INTS3: variants seen among roughly 807,000 people sequenced by gnomAD.
The protein encoded by INTS3 is SOSS complex subunit A.
A neutral mutation model predicts 146.3 loss-of-function variants in INTS3; 34 were observed. The observed-to-expected ratio is 0.23, with a 90% confidence interval of 0.18 to 0.31. The LOEUF (loss-of-function observed/expected upper bound fraction) is 0.31. INTS3 is among the 10% of genes least tolerant of loss of function. The pLI is 1.00. For synonymous variants in INTS3, 475 were observed against 494.9 expected (o/e 0.96, Z 0.53); for missense variants, 757 against 1,304.2 (o/e 0.58, Z 6.46).
At chr1:153,750,986 C>G (rs1056296636) in intron 6 of INTS3, 109 bp from the exon 7 acceptor site, 14 of 1,141,128 alleles carry the variant, frequency 1.2e-5, no homozygotes, top group Middle Eastern at 2.4e-4. Context: ...CTCCCAGTGT[C>G]AAATCATCAA....
chr1:153,762,674 C>A (rs1672428601), intron 14 of INTS3, 54 bp from the exon 15 acceptor site: 2 of 1,604,142 alleles, frequency 1.2e-6, no homozygotes, highest in Non-Finnish European at 1.7e-6. Flanking sequence ...AAGCATGGGG[C>A]ATGTTAGAGG....
At chr1:153,744,648 G>A (rs149051453) in intron 3 of INTS3, among the ~76,000 whole-genome samples, 175 of 152,334 alleles carry the variant, frequency 1.1e-3, no homozygotes, top group African/African-American at 3.9e-3. Context: ...AGAGGCAGAA[G>A]GAAGTGGCAA....
Position 153,730,634 on chromosome 1 carries a change from A to T in INTS3, c.150+1850A>T, listed in dbSNP as rs1056734337. 5.3e-5 allele frequency among the ~76,000 whole-genome samples: 8 copies of T among 152,310 alleles called. No homozygotes were observed. In the East Asian group the frequency reaches 1.5e-3, roughly 29 times the overall value. On this transcript the variant is annotated intron_variant, in intron 1 of 29. Coordinates refer to ENST00000318967, the MANE Select transcript of INTS3 (RefSeq NM_023015.5). ...TTGCTACTAAATGAAATGATGCAGC[A>T]GGAGGGGACCATCGAAGAGGGGAAG...
At chr1:153,755,096 C>T (rs1672114824) in intron 9 of INTS3, among the ~76,000 whole-genome samples, 1 of 152,068 alleles carries the variant, frequency 6.6e-6, no homozygotes, top group African/African-American at 2.4e-5. Context: ...GCTAAGAAAC[C>T]CACGATTGCT....
intron 22 of INTS3, 65 bp from the exon 23 acceptor site, chr1:153,769,704 T>G (rs1672740849): frequency 9.3e-7 from 1 of 1,071,090 alleles, no homozygotes; most frequent in Non-Finnish European, 1.5e-6. Context: ...TGCGTCCCCC[T>G]CCATACTAGC....
chr1:153,741,442 C>T (rs1570842450), intron 3 of INTS3, 74 bp downstream of exon 3: 6 of 1,100,296 alleles, frequency 5.5e-6, no homozygotes, highest in South Asian at 2.5e-5. Context: ...TACAGTTTAA[C>T]TGGGGTAGTA....
intron 11 of INTS3, chr1:153,759,924 A>G (rs1332570747): frequency 2.0e-6 from 1 of 500,306 alleles, no homozygotes; most frequent in Non-Finnish European, 3.6e-6. Flanking sequence ...CTCAAAGCTG[A>G]ATGCTGGGAA....
chr1:153,768,216 G>T (rs1482265196), intron 21 of INTS3, among the ~76,000 whole-genome samples: 1 of 152,168 alleles, frequency 6.6e-6, no homozygotes, highest in African/African-American at 2.4e-5. Flanking sequence ...GATGACCAGG[G>T]CTTCTGTAGT....
intron 1 of INTS3, among the ~76,000 whole-genome samples, chr1:153,733,365 A>G (rs1671161137): frequency 2.0e-5 from 3 of 150,396 alleles, no homozygotes. Context: ...GGTGTGCACC[A>G]CCACGCCCAG....
chr1:153,736,926 G>A (rs946226807), intron 1 of INTS3, among the ~76,000 whole-genome samples: 2 of 151,822 alleles, frequency 1.3e-5, no homozygotes, highest in African/African-American at 4.8e-5. Context: ...ACCATGCCCG[G>A]CTAATTTTTT....
At chr1:153,748,586 A>T in intron 5 of INTS3, 103 bp from the exon 6 acceptor site, 1 of 901,548 alleles carries the variant, frequency 1.1e-6, no homozygotes, top group East Asian at 2.4e-5. Flanking sequence ...GATGGCAGTA[A>T]TGGGATGGCA....
At chr1:153,764,759 C>G in intron 19 of INTS3, 25 bp downstream of exon 19, 2 of 1,583,786 alleles carry the variant, frequency 1.3e-6, no homozygotes, top group Non-Finnish European at 1.7e-6. Flanking sequence ...ATAGGAGATA[C>G]TGTTCTACCC....
chr1:153,748,452 G>C, intron 5 of INTS3: 1 of 562,398 alleles, frequency 1.8e-6, no homozygotes, highest in Non-Finnish European at 3.2e-6. Context: ...CTCACAATCT[G>C]TGGGAAAGTA....
Position 153,757,056 on chromosome 1 carries a change from AG to A in INTS3, c.958-513del, listed in dbSNP as rs1672187516. 6.6e-6 allele frequency among the ~76,000 whole-genome samples: 1 copy of A among 152,178 alleles called. No homozygotes were observed. The highest frequency in any genetic ancestry group is 1.5e-5 in the Non-Finnish European group (1 of 68,034). On this transcript the variant is annotated intron_variant, in intron 9 of 29. Coordinates refer to ENST00000318967, the MANE Select transcript of INTS3 (RefSeq NM_023015.5). The surrounding 1 kb of genome is among the most constrained non-coding windows in gnomAD (Gnocchi z 4.0). Reference sequence around the variant, plus strand: ...TTAGTGTTACTATTTGTGATCACTTAGGGTCTGTTTGAGGAAAAACTTTCCA... The same window carrying A: ...TTAGTGTTACTATTTGTGATCACTTAGGTCTGTTTGAGGAAAAACTTTCCA...
chr1:153,730,981 G>A (rs1671038112), intron 1 of INTS3, among the ~76,000 whole-genome samples: 3 of 151,560 alleles, frequency 2.0e-5, no homozygotes, highest in Admixed American at 1.3e-4. Flanking sequence ...GGTGTTGATC[G>A]ACTGACCTCT....
intron 1 of INTS3, among the ~76,000 whole-genome samples, chr1:153,736,393 G>C (rs937916257): frequency 4.6e-5 from 7 of 152,034 alleles, no homozygotes; most frequent in African/African-American, 1.7e-4. Context: ...CTCTTACACA[G>C]GATAGACATA....
intron 17 of INTS3, 49 bp downstream of exon 17, chr1:153,763,935 G>C: frequency 6.5e-7 from 1 of 1,540,636 alleles, no homozygotes; most frequent in Non-Finnish European, 9.0e-7. Flanking sequence ...AGCCTGCTTA[G>C]CTTACACGTC....
At chr1:153,730,636 G>T (rs191839686) in intron 1 of INTS3, among the ~76,000 whole-genome samples, 3 of 152,162 alleles carry the variant, frequency 2.0e-5, no homozygotes, top group Admixed American at 6.6e-5. Flanking sequence ...GATGCAGCAG[G>T]AGGGGACCAT....
chr1:153,752,167 C>T, intron 7 of INTS3, 112 bp from the exon 8 acceptor site: 1 of 1,037,238 alleles, frequency 9.6e-7, no homozygotes, highest in Non-Finnish European at 1.5e-6. Context: ...GTTTCTTCAA[C>T]CCTCTTTCCT....
Sources: gnomAD v4.1 joint callset for allele counts (sites outside exome capture counted in the v4.1 genomes callset) on GRCh38, gnomAD v4.1.1 for gene constraint, Gnocchi (gnomAD v3.1) non-coding constraint, MANE v1.5 for transcripts, NCBI Gene and HGNC (gene_info 2026-07-23, HGNC 2026-07-21) for gene names.